Variants in GSDMC observed in about 807,000 individuals in gnomAD.
The protein encoded by GSDMC is gasdermin C, also known as gasdermin-C.
GSDMC carries 59 observed loss-of-function variants against 58.0 expected under a neutral mutation model. That is an observed-to-expected ratio of 1.02 (90% CI 0.82 to 1.26). GSDMC has a LOEUF of 1.26. GSDMC is among the 50% of genes most tolerant of loss of function. GSDMC has a pLI of 0.00. For synonymous variants in GSDMC, 241 were observed against 220.2 expected (o/e 1.09, Z -0.83); for missense variants, 659 against 598.5 (o/e 1.10, Z -1.06).
At chr8:129,744,212 A>C (rs2032919284), downstream of GSDMC, among the ~76,000 whole-genome samples, 1 of 152,192 alleles carries the variant, frequency 6.6e-6, no homozygotes, top group African/African-American at 2.4e-5. Context: ...GGGCAATCTT[A>C]GGACTCCTGT....
At chr8:129,730,287 T>C in the GSDMC span, 35 of 1,369,320 alleles carry the variant, frequency 2.6e-5, no homozygotes, top group Non-Finnish European at 3.4e-5. Flanking sequence ...AACATATAAT[T>C]TTCCACAGAA....
At chr8:129,729,308 G>GTT in the GSDMC span, 104 of 546,612 alleles carry the variant, frequency 1.9e-4, no homozygotes, top group Middle Eastern at 1.2e-3. Flanking sequence ...CATGAAATTT[G>GTT]TTTTTTTTAA....
the GSDMC span, chr8:129,729,050 T>C: frequency 4.7e-6 from 3 of 639,122 alleles, no homozygotes; most frequent in Non-Finnish European, 9.0e-6. Flanking sequence ...ATGAAATAAC[T>C]TTGTGTCAAA....
chr8:129,774,605 A>G (rs1394422999), intron 3 of GSDMC, among the ~76,000 whole-genome samples: 1 of 152,114 alleles, frequency 6.6e-6, no homozygotes, highest in Non-Finnish European at 1.5e-5. Flanking sequence ...AGCAAAGGAA[A>G]CAATCAACAG....
At chr8:129,744,138 C>T (rs1314933356), downstream of GSDMC, among the ~76,000 whole-genome samples, 2 of 152,038 alleles carry the variant, frequency 1.3e-5, no homozygotes, top group African/African-American at 4.8e-5. Flanking sequence ...AGAGAGACCA[C>T]TCCACCTTAT....
intron 9 of GSDMC, 62 bp downstream of exon 9, chr8:129,751,800 C>T (rs1252236511): frequency 6.6e-7 from 1 of 1,525,652 alleles, no homozygotes; most frequent in Admixed American, 1.7e-5. Context: ...GCAATCTGCC[C>T]TACTTACCCC....
chr8:129,709,706 C>A, the GSDMC span, among the ~76,000 whole-genome samples: 1 of 152,088 alleles, frequency 6.6e-6, no homozygotes, highest in Non-Finnish European at 1.5e-5. Flanking sequence ...CATTATCTGA[C>A]CCCTTCCCAA....
In GSDMC at chr8:129,760,759, A is replaced by T. The variant is rs73712935; in HGVS notation, c.677-170T>A. Among the ~76,000 whole-genome samples, 326 of 152,266 alleles carry T rather than the reference A, an allele frequency of 2.1e-3. 2 individuals carry two copies. The highest frequency in any genetic ancestry group is 7.6e-3 in the African/African-American group (316 of 41,560). On this transcript the variant is annotated intron_variant, in intron 5 of 13. Transcript: ENST00000276708. ...AAAGGTGCCCTGGAACCTGCATTTA[A>T]ATAAGCAATTTAGGTAATCACTTTG...
the GSDMC span, among the ~76,000 whole-genome samples, chr8:129,715,890 G>A: frequency 2.0e-5 from 3 of 152,130 alleles, no homozygotes; most frequent in Admixed American, 2.0e-4. Context: ...TAGAATATAT[G>A]TCAAAAATAT....
At chr8:129,711,021 G>A in the GSDMC span, among the ~76,000 whole-genome samples, 1 of 152,222 alleles carries the variant, frequency 6.6e-6, no homozygotes, top group Admixed American at 6.5e-5. Context: ...TCCAGGAGGG[G>A]AAGGTCTAGG....
chr8:129,759,819 G>A (rs72718325), intron 6 of GSDMC, among the ~76,000 whole-genome samples: 43,509 of 151,854 alleles, frequency 0.29, 6,926 homozygotes, highest in Admixed American at 0.45. Flanking sequence ...CTCAAAAAAC[G>A]AAAACTAGAG....
At chr8:129,764,225 G>A (rs902751172) in intron 4 of GSDMC, among the ~76,000 whole-genome samples, 9 of 152,040 alleles carry the variant, frequency 5.9e-5, no homozygotes, top group Non-Finnish European at 7.4e-5. Context: ...CATGAAAGCT[G>A]TTAAATGTGC....
intron 4 of GSDMC, among the ~76,000 whole-genome samples, chr8:129,764,463 C>T (rs892760167): frequency 5.3e-5 from 8 of 152,232 alleles, no homozygotes; most frequent in African/African-American, 1.9e-4. Context: ...CTCAATGTCC[C>T]CACTCTCAAT....
chr8:129,741,933 TATATAC>T, the GSDMC span, among the ~76,000 whole-genome samples: 58 of 146,702 alleles, frequency 4.0e-4, no homozygotes, highest in Admixed American at 1.1e-3. Context: ...TATATATATA[TATATAC>T]ATGAAATAAT....
At chr8:129,773,500 A>G (rs2034124481) in intron 3 of GSDMC, among the ~76,000 whole-genome samples, 1 of 152,202 alleles carries the variant, frequency 6.6e-6, no homozygotes, top group African/African-American at 2.4e-5. Context: ...AACTCAATGT[A>G]TAGGCCGGGC....
chr8:129,728,743 A>G, the GSDMC span: 8 of 475,866 alleles, frequency 1.7e-5, no homozygotes, highest in Middle Eastern at 6.1e-4. Context: ...ATCAAACTGC[A>G]CAGTGCGATA....
chr8:129,710,987 A>G, the GSDMC span, among the ~76,000 whole-genome samples: 1 of 152,204 alleles, frequency 6.6e-6, no homozygotes, highest in Non-Finnish European at 1.5e-5. Flanking sequence ...TTGCAGATTC[A>G]TGCATTCCTC....
the GSDMC span, among the ~76,000 whole-genome samples, chr8:129,707,585 G>A: frequency 5.9e-5 from 9 of 152,118 alleles, no homozygotes; most frequent in African/African-American, 2.2e-4. Context: ...TTCAAAATTG[G>A]TAGTCTGTAT....
At position 129,759,078 on chromosome 8, in the gene GSDMC, C is replaced by G. The variant is rs535415044; in HGVS notation, c.721+1467G>C. Among the ~76,000 whole-genome samples the G allele has an allele frequency of 2.6e-5, 4 of 152,192 alleles. No homozygotes were observed. In the South Asian group the frequency reaches 6.2e-4, roughly 24 times the overall value. ...AATCTATGTACCTACAGTGAACCAT[C>G]TTTGACAAAGTTGCCAAGCACATAC... On this transcript the variant is annotated intron_variant, in intron 6 of 13. Transcript: ENST00000276708.
Sources: allele counts gnomAD v4.1 joint callset (sites outside exome capture counted in the v4.1 genomes callset), GRCh38; gene constraint gnomAD v4.1.1; transcripts MANE v1.5; gene names NCBI Gene and HGNC (gene_info 2026-07-23, HGNC 2026-07-21).